The following SPATA13 variants were observed in gnomAD, a reference collection of about 807,000 sequenced individuals.
SPATA13 encodes the protein spermatogenesis-associated protein 13.
In SPATA13, 50 loss-of-function variants were observed where a neutral mutation model predicts 104.0. The observed-to-expected ratio is 0.48, with a 90% CI of 0.38 to 0.61. The LOEUF (loss-of-function observed/expected upper bound fraction) is 0.61. Among genes scored for constraint, SPATA13 ranks in the 20% least tolerant of loss-of-function variants. SPATA13 has a pLI of 0.00. For synonymous variants in SPATA13, 606 were observed against 667.5 expected, an observed-to-expected ratio of 0.91 and a Z score of 1.42; for missense variants, 1,524 against 1,690.6, an observed-to-expected ratio of 0.90 and a Z score of 1.73.
chr13:24,199,739 A>G (rs1322722728), intron 1 of SPATA13, among the ~76,000 whole-genome samples: 1 of 152,250 alleles, frequency 6.6e-6, no homozygotes, highest in Non-Finnish European at 1.5e-5. Flanking sequence ...CAATAGGCGC[A>G]TAACAGTGTC....
intron 3 of SPATA13, among the ~76,000 whole-genome samples, chr13:24,116,379 CT>C (rs999621415): frequency 5.3e-5 from 8 of 152,322 alleles, no homozygotes; most frequent in African/African-American, 1.9e-4. Context: ...AGCTGCCATC[CT>C]CCAAGACGGG....
At chr13:24,003,049 C>T (rs931158957) in intron 2 of SPATA13, among the ~76,000 whole-genome samples, 1 of 152,136 alleles carries the variant, frequency 6.6e-6, no homozygotes, top group African/African-American at 2.4e-5. Context: ...GCAGACAGTT[C>T]CCTGTGGCCA....
In SPATA13 at chr13:24,294,814, G is replaced by C; in HGVS notation, c.3156G>C (p.Lys1052Asn). The change falls in exon 10 of 13, where the codon AAG becomes AAC. Residue 1052 changes from lysine to asparagine, a missense_variant. Physicochemically the swap from Lys to Asn is moderately conservative, Grantham distance 94 (BLOSUM62 0). Coordinates refer to ENST00000382108, the MANE Select transcript of SPATA13 (RefSeq NM_001166271.3). Reference sequence around the variant, plus strand: ...GTCTGATCAACGAGCGCAAGCGCAAGCTGGAGAGCATCGACAAGATAGCTC... The same window carrying C: ...GTCTGATCAACGAGCGCAAGCGCAACCTGGAGAGCATCGACAAGATAGCTC... ...VACLINERKRKLESIDKIARW... is the reference protein window; with the variant it reads ...VACLINERKRNLESIDKIARW... 6.2e-7 allele frequency: 1 copy of C among 1,611,864 alleles called. No homozygotes were observed. Among genetic ancestry groups the C allele is most frequent in the Non-Finnish European group, 8.5e-7 (1 of 1,178,006 alleles).
At chr13:24,032,237 C>T (rs1877508741) in intron 3 of SPATA13, among the ~76,000 whole-genome samples, 1 of 152,200 alleles carries the variant, frequency 6.6e-6, no homozygotes, top group Non-Finnish European at 1.5e-5. Context: ...GACTCCCACC[C>T]TGCTCCTTGG....
chr13:23,997,823 GT>G (rs1875767824), intron 2 of SPATA13, among the ~76,000 whole-genome samples: 1 of 152,058 alleles, frequency 6.6e-6, no homozygotes, highest in African/African-American at 2.4e-5. Flanking sequence ...CCATGAGAGG[GT>G]ACCAAGCCAC....
At chr13:24,122,937 A>G in intron 3 of SPATA13, 1 of 780,512 alleles carries the variant, frequency 1.3e-6, no homozygotes. Context: ...ATCTTCAGCT[A>G]CACTAAGAAG....
intron 4 of SPATA13, among the ~76,000 whole-genome samples, chr13:24,277,714 T>C (rs1875119166): frequency 6.6e-6 from 1 of 152,192 alleles, no homozygotes; most frequent in Non-Finnish European, 1.5e-5. Flanking sequence ...GAGTGCCTTC[T>C]GTATGCCAGG....
intron 2 of SPATA13, among the ~76,000 whole-genome samples, chr13:23,992,448 G>A (rs1875458371): frequency 6.6e-6 from 1 of 152,222 alleles, no homozygotes; most frequent in South Asian, 2.1e-4. Flanking sequence ...CATTGCAGGT[G>A]TGTCTGATCG....
chr13:24,113,915 A>G (rs59393770), intron 3 of SPATA13, among the ~76,000 whole-genome samples: 2,601 of 151,982 alleles, frequency 0.017, 96 homozygotes, highest in African/African-American at 0.06. Context: ...ATAGTTATAT[A>G]AACACCAACA....
intron 2 of SPATA13, among the ~76,000 whole-genome samples, chr13:23,998,172 C>T (rs1875781583): frequency 6.6e-6 from 1 of 152,222 alleles, no homozygotes; most frequent in Non-Finnish European, 1.5e-5. Context: ...CACCATTTCA[C>T]TTTCTCAACA....
At chr13:24,043,824 C>T (rs900884004) in intron 3 of SPATA13, among the ~76,000 whole-genome samples, 1 of 152,206 alleles carries the variant, frequency 6.6e-6, no homozygotes, top group Non-Finnish European at 1.5e-5. Context: ...AATACCCTTC[C>T]TGACTCTATT....
At chr13:24,294,982 T>C (rs111330614) in intron 10 of SPATA13, 114 bp downstream of exon 10, 19 of 1,118,280 alleles carry the variant, frequency 1.7e-5, no homozygotes, top group African/African-American at 1.4e-4. Context: ...TTGGCTTTAA[T>C]GGTACATATA....
intron 4 of SPATA13, chr13:24,278,878 T>C (rs1011299239): frequency 1.8e-6 from 1 of 547,038 alleles, no homozygotes; most frequent in Non-Finnish European, 2.6e-6. Flanking sequence ...TTTTCTTTCC[T>C]TCCTTCCTTC....
In SPATA13 at chr13:24,286,111, T is replaced by G; in HGVS notation, c.2302-103T>G. On this transcript the variant is annotated intron_variant, in intron 5 of 12. Coordinates refer to ENST00000382108, the MANE Select transcript of SPATA13 (RefSeq NM_001166271.3). This position sits in a 1 kb window ranked among gnomAD's most constrained non-coding sequence, Gnocchi z 4.9. ...ACCAAATGCCACCAGCATATCCAAG[T>G]GAGAGGATACCAGTGTCACCCTGAG... The G allele has an allele frequency of 9.0e-7, 1 of 1,106,314 alleles. No individual in the cohort carries two copies. The highest frequency in any genetic ancestry group is 1.3e-6 in the Non-Finnish European group (1 of 772,904). The allele number at this position is 1,106,314 out of a possible 1,614,324, so 68.5% of individuals were successfully genotyped here. A position where few individuals can be genotyped will look rare whatever the true frequency, so the allele number is the denominator to read the frequency against.
chr13:24,093,885 G>C (rs1879985066), intron 3 of SPATA13, among the ~76,000 whole-genome samples: 1 of 152,076 alleles, frequency 6.6e-6, no homozygotes, highest in Non-Finnish European at 1.5e-5. Flanking sequence ...GTGCCTTCTG[G>C]GTGGGGGGAC....
At chr13:24,247,478 C>CTTTTTTTTTTTTTTTTTT (rs10625714) in intron 2 of SPATA13, among the ~76,000 whole-genome samples, 6 of 87,122 alleles carry the variant, frequency 6.9e-5, no homozygotes, top group Non-Finnish European at 1.1e-4. Flanking sequence ...TCCACATTCA[C>CTTTTTTTTTTTTTTTTTT]TTTTTTTTTT....
chr13:24,015,699 G>A (rs543976762), intron 2 of SPATA13, among the ~76,000 whole-genome samples: 42 of 151,462 alleles, frequency 2.8e-4, no homozygotes, highest in Middle Eastern at 3.4e-3. Flanking sequence ...GGACACCCCC[G>A]GCCTTCCTGA....
chr13:24,016,317 G>T (rs140572559), intron 2 of SPATA13, among the ~76,000 whole-genome samples: 1 of 152,334 alleles, frequency 6.6e-6, no homozygotes, highest in Non-Finnish European at 1.5e-5. Context: ...TCCTGAGGCT[G>T]GGAGAGCTGT....
intron 3 of SPATA13, among the ~76,000 whole-genome samples, chr13:24,116,817 G>A (rs1203236996): frequency 6.6e-6 from 1 of 151,886 alleles, no homozygotes; most frequent in Non-Finnish European, 1.5e-5. Flanking sequence ...CCTTTGGGAG[G>A]TAATTAGGTT....
Sources: allele counts gnomAD v4.1 joint callset (sites outside exome capture counted in the v4.1 genomes callset), GRCh38; gene constraint gnomAD v4.1.1; non-coding constraint Gnocchi (gnomAD v3.1); transcripts MANE v1.5; gene names NCBI Gene and HGNC (gene_info 2026-07-23, HGNC 2026-07-21).